WDR62: variants seen among roughly 807,000 people sequenced by gnomAD.
WDR62 encodes the protein WD repeat-containing protein 62.
In WDR62, 112 loss-of-function variants were observed where a neutral mutation model predicts 160.6. The ratio of observed to expected loss-of-function variants is 0.70; its 90% CI spans 0.60 to 0.82. The LOEUF is 0.82. Ranked by LOEUF, WDR62 falls within the 40% of genes least tolerant of loss-of-function variation. WDR62 has a pLI of 0.00. For synonymous variants in WDR62, 792 were observed against 815.1 expected, an observed-to-expected ratio of 0.97 and a Z score of 0.48; for missense variants, 1,819 against 1,983.8, an observed-to-expected ratio of 0.92 and a Z score of 1.58.
At chr19:36,095,033 G>T (rs1972873838) in intron 20 of WDR62, among the ~76,000 whole-genome samples, 3 of 151,974 alleles carry the variant, frequency 2.0e-5, no homozygotes, top group Admixed American at 2.0e-4. Context: ...CCTGTCTGTA[G>T]AAAAAGAAAG....
chr19:36,109,461 C>CA (rs1212334872), downstream of WDR62, among the ~76,000 whole-genome samples: 1 of 152,174 alleles, frequency 6.6e-6, no homozygotes, highest in Non-Finnish European at 1.5e-5. Context: ...TTGCCAGGCG[C>CA]AATGGCTCAC....
chr19:36,109,311 T>G (rs568536121), downstream of WDR62, among the ~76,000 whole-genome samples: 1 of 152,152 alleles, frequency 6.6e-6, no homozygotes, highest in Non-Finnish European at 1.5e-5. Flanking sequence ...GGTACCCCTC[T>G]TTTCCCCATC....
chr19:36,101,766 A>G lies in WDR62; in HGVS notation c.3074A>G (p.His1025Arg). ...PAPRFATSLP[H>R]FPGCAGPTED... Reference sequence around the variant, plus strand: ...CCTCGGTTTGCCACGTCGCTGCCCCATTTCCCAGGTAAGCAGGGGCCAGAC... The same window carrying G: ...CCTCGGTTTGCCACGTCGCTGCCCCGTTTCCCAGGTAAGCAGGGGCCAGAC... Residue 1025 changes from histidine (H) to arginine (R), a missense_variant, in exon 25 of 32, where the codon CAT (histidine) becomes CGT (arginine). Coordinates refer to ENST00000401500, the MANE Select transcript of WDR62 (RefSeq NM_001083961.2). 1 of 1,551,600 alleles carries G rather than the reference A, an allele frequency of 6.4e-7. No individual in the cohort carries two copies. The highest frequency in any genetic ancestry group is 1.2e-5 in the South Asian group (1 of 84,194).
At chr19:36,083,277 C>A (rs1599796451) in intron 11 of WDR62, 36 bp downstream of exon 11, 2 of 1,561,082 alleles carry the variant, frequency 1.3e-6, no homozygotes, top group East Asian at 2.4e-5. Context: ...TGTACACCTC[C>A]CAGCTCCAGC....
In WDR62 at chr19:36,067,956, C is replaced by T; in HGVS notation, c.828C>T (p.Gly276=). The part of the protein sequence containing the change: ...AGSTFCVSYS[G]LLCQFNEKRV... Reference sequence around the variant, plus strand: ...GTACCTTCTGTGTGTCCTACTCGGGCCTCCTCTGCCAGTTCAATGAGAAGA... The same window carrying T: ...GTACCTTCTGTGTGTCCTACTCGGGTCTCCTCTGCCAGTTCAATGAGAAGA... Residue 276 remains glycine, a synonymous_variant, in exon 7 of 32, where the codon GGC becomes GGT. Transcript: ENST00000401500. 1 of 1,614,198 alleles carries T rather than the reference C, an allele frequency of 6.2e-7. No individual in the cohort carries two copies. The highest frequency in any genetic ancestry group is 8.5e-7 in the Non-Finnish European group (1 of 1,180,026).
chr19:36,073,590 T>A (rs1219587973), intron 9 of WDR62, 59 bp downstream of exon 9: 2 of 1,354,112 alleles, frequency 1.5e-6, no homozygotes, highest in Non-Finnish European at 2.0e-6. Flanking sequence ...CCCCACAGTT[T>A]GGGAACCCAT....
At position 36,094,167 on chromosome 19, in the gene WDR62, T is replaced by C. The variant is rs1972810874; in HGVS notation, c.2467+3T>C. 1 of 1,613,846 alleles carries C rather than the reference T, an allele frequency of 6.2e-7. No homozygotes were observed. The highest frequency in any genetic ancestry group is 1.3e-5 in the African/African-American group (1 of 74,898). ...ATCCAAAGATAGCTTGGATCCAGGT[T>C]GGAAAAGGGGCCCTATTTTGAACTA... On this transcript the variant is annotated splice_donor_region_variant and intron_variant, in intron 20 of 31. Coordinates refer to ENST00000401500, the MANE Select transcript of WDR62 (RefSeq NM_001083961.2).
intron 9 of WDR62, 86 bp from the exon 10 acceptor site, chr19:36,081,343 AACTT>A: frequency 1.3e-6 from 2 of 1,506,662 alleles, no homozygotes; most frequent in Non-Finnish European, 9.2e-7. Flanking sequence ...GTTTATCTTT[AACTT>A]ACTTTTTTTT....
chr19:36,073,251 A>T, intron 8 of WDR62, 91 bp from the exon 9 acceptor site: 1 of 1,240,324 alleles, frequency 8.1e-7, no homozygotes, highest in Non-Finnish European at 1.2e-6. Flanking sequence ...GAGGGATGGC[A>T]TTGCCGGGGA....
At position 36,094,042 on chromosome 19, in the gene WDR62, A is replaced by G. The variant is rs1234367345; in HGVS notation, c.2345A>G (p.Tyr782Cys). The change falls in exon 20 of 32, where the codon TAT becomes TGT. Residue 782 changes from tyrosine to cysteine, a missense_variant. Around this residue, in one of 3 missense-constraint regions of WDR62, gnomAD observed 934 missense variants for 1,157.2 expected, o/e 0.81. Transcript: ENST00000401500. Reference protein sequence around the residue: ...KRSGHPRQDTYVSTPSEIHSL... With the variant: ...KRSGHPRQDTCVSTPSEIHSL... ...ATTCCTGGCTTTAGGCAGGATACGT[A>G]TGTGTCCACACCTAGTGAGATTCAC... 1 of 1,613,934 alleles carries G rather than the reference A, an allele frequency of 6.2e-7. No homozygotes were observed.
At chr19:36,055,326 G>T (rs1970302291) in intron 1 of WDR62, among the ~76,000 whole-genome samples, 178 bp downstream of exon 1, 1 of 151,260 alleles carries the variant, frequency 6.6e-6, no homozygotes, top group Non-Finnish European at 1.5e-5. Flanking sequence ...CTTTCTCCTC[G>T]CTGCTTTCCC....
At position 36,083,170 on chromosome 19, in the gene WDR62, C is replaced by T. The variant is rs150656878; in HGVS notation, c.1479C>T (p.Ala493=). 1.7e-4 allele frequency: 276 copies of T among 1,612,380 alleles called. 1 individual carries two copies. The East Asian group carries it at 5.5e-3, about 32-fold the overall frequency. The change falls in exon 11 of 32, where the codon GCC becomes GCT. Residue 493 remains alanine (A), a synonymous_variant. Coordinates refer to ENST00000401500, the MANE Select transcript of WDR62 (RefSeq NM_001083961.2). ...SENGTPMDVK[A]GVRVMQVSPD... ...ATGGGACACCCATGGACGTGAAAGC[C>T]GGGGTGCGGGTCATGCAGGTCAGTC...
chr19:36,086,640 G>A (rs1176693875), intron 12 of WDR62, 47 bp from the exon 13 acceptor site: 1 of 1,568,942 alleles, frequency 6.4e-7, no homozygotes, highest in Non-Finnish European at 8.6e-7. Context: ...GGAGGCCAGG[G>A]CACCCACGCA....
Position 36,104,886 on chromosome 19 carries a change from C to T in WDR62, c.4430C>T (p.Ala1477Val), listed in dbSNP as rs141418286. ...GAATGCCTGGTGGGGACTAGTGTGG[C>T]CCCAGCCCAGGCTCTGCCCAGCCCA... ...EAECLVGTSVAPAQALPSPGP... is the reference protein window; with the variant it reads ...EAECLVGTSVVPAQALPSPGP... The change falls in exon 32 of 32, where the codon GCC becomes GTC. Residue 1477 changes from alanine (A) to valine (V), a missense_variant. By Grantham distance (64) the Ala-to-Val change is moderately conservative. This residue lies in a region of WDR62 where 770 missense variants were observed against 734.2 expected (regional missense o/e 1.05). Coordinates refer to ENST00000401500, the MANE Select transcript of WDR62 (RefSeq NM_001083961.2). 6.2e-7 allele frequency: 1 copy of T among 1,612,042 alleles called. No homozygotes were observed. Among genetic ancestry groups the T allele is most frequent in the African/African-American group, 1.3e-5 (1 of 74,902 alleles).
intron 8 of WDR62, among the ~76,000 whole-genome samples, chr19:36,073,140 A>G (rs1352237236): frequency 2.0e-5 from 3 of 152,316 alleles, no homozygotes; most frequent in Middle Eastern, 3.4e-3. Flanking sequence ...GCCAGGCAAA[A>G]ATTTCCGGTT....
chr19:36,079,777 G>A (rs1051768359), intron 9 of WDR62, among the ~76,000 whole-genome samples: 4 of 152,294 alleles, frequency 2.6e-5, no homozygotes, highest in Admixed American at 2.6e-4. Flanking sequence ...TGATATGTAG[G>A]TCTTGTGATT....
chr19:36,059,100 A>G (rs1599744080), intron 2 of WDR62: 1 of 672,176 alleles, frequency 1.5e-6, no homozygotes, highest in Non-Finnish European at 2.8e-6. Flanking sequence ...TACAGGGGGG[A>G]GGTGACAGCG....
chr19:36,090,621 C>G (rs999263115), intron 16 of WDR62, 101 bp downstream of exon 16: 1 of 1,097,814 alleles, frequency 9.1e-7, no homozygotes, highest in Admixed American at 1.8e-5. Flanking sequence ...CTCAGTGCAC[C>G]GCGCTGCCCA....
chr19:36,063,232 A>C (rs143749389), intron 3 of WDR62, among the ~76,000 whole-genome samples: 1,802 of 131,828 alleles, frequency 0.014, 16 homozygotes, highest in South Asian at 0.047. Flanking sequence ...CGTGAGCCAC[A>C]GCACCTGGCC....
Sources: allele counts gnomAD v4.1 joint callset (sites outside exome capture counted in the v4.1 genomes callset), GRCh38; gene constraint gnomAD v4.1.1; regional missense constraint gnomAD v4.1.1; transcripts MANE v1.5; gene names NCBI Gene and HGNC (gene_info 2026-07-23, HGNC 2026-07-21).